Variants in NFX1 observed in about 807,000 individuals in gnomAD.
NFX1 encodes transcriptional repressor NF-X1.
A neutral mutation model predicts 137.2 loss-of-function variants in NFX1; 69 were observed. That is an observed-to-expected ratio of 0.50 (90% CI 0.41 to 0.61). NFX1 has a LOEUF of 0.61. NFX1 is among the 20% of genes least tolerant of loss of function. The pLI is 0.00. For synonymous variants in NFX1, 495 were observed against 474.1 expected (o/e 1.04, Z -0.57); for missense variants, 1,167 against 1,391.0 (o/e 0.84, Z 2.56).
rs1393287475 is a variant in NFX1 at position 33,342,855 on chromosome 9, G to C, written c.2224+1G>C. On this transcript the variant is annotated splice_donor_variant, in intron 13 of 23. Transcript: ENST00000379540. LOFTEE classifies it high-confidence loss of function. ...AACTGCCAGACATGCTGGCAAGCCA[G>C]TGAGTGTCTTTACTGTATAGTTTAT... 2 of 1,602,028 alleles carry C rather than the reference G, an allele frequency of 1.2e-6. No homozygotes were observed. Among genetic ancestry groups the C allele is most frequent in the African/African-American group, 1.3e-5 (1 of 74,722 alleles).
rs1824207125 is a variant in NFX1 at position 33,367,589 on chromosome 9, C to CG, written c.3261dup (p.Ile1088AspfsTer16). ...GAAATGCAGGCACGGCCTCCACCAC[C>CG]GATTCCTCATCACAGACATCAGTCA... On this transcript the variant is annotated frameshift_variant, in exon 23 of 24. Transcript: ENST00000379540. LOFTEE classifies it high-confidence loss of function. The CG allele has an allele frequency of 3.1e-6, 5 of 1,613,720 alleles. No individual in the cohort carries two copies. The highest frequency in any genetic ancestry group is 2.7e-5 in the African/African-American group (2 of 74,924).
At chr9:33,321,736 G>A (rs920492328) in intron 9 of NFX1, among the ~76,000 whole-genome samples, 20 of 152,068 alleles carry the variant, frequency 1.3e-4, no homozygotes, top group Non-Finnish European at 1.5e-5. Flanking sequence ...TTATTTACCT[G>A]GGTATGGCGG....
chr9:33,319,932 T>C (rs1370213893), intron 9 of NFX1, among the ~76,000 whole-genome samples: 1 of 152,062 alleles, frequency 6.6e-6, no homozygotes, highest in East Asian at 1.9e-4. Flanking sequence ...TTGAACATCA[T>C]TTTGGATGAA....
chr9:33,355,175 A>G (rs1823768930), intron 19 of NFX1, among the ~76,000 whole-genome samples: 1 of 152,234 alleles, frequency 6.6e-6, no homozygotes, highest in Non-Finnish European at 1.5e-5. Context: ...TTCCTGACTC[A>G]GAGATAAGAG....
intron 9 of NFX1, among the ~76,000 whole-genome samples, chr9:33,328,215 CAG>C (rs1564123627): frequency 6.6e-6 from 1 of 150,950 alleles, no homozygotes; most frequent in East Asian, 1.9e-4. Context: ...TTGGTAGACA[CAG>C]GGTTTCACCA....
intron 19 of NFX1, among the ~76,000 whole-genome samples, chr9:33,358,406 G>A (rs772075970): frequency 1.3e-5 from 2 of 152,008 alleles, no homozygotes; most frequent in East Asian, 3.9e-4. Context: ...TTACAGGCAT[G>A]AGCCACTGCG....
At chr9:33,322,004 T>C (rs868768774) in intron 9 of NFX1, among the ~76,000 whole-genome samples, 8 of 151,788 alleles carry the variant, frequency 5.3e-5, no homozygotes, top group Middle Eastern at 3.4e-3. Flanking sequence ...AGTTCAGGAC[T>C]AGCCTGGCCA....
Position 33,342,756 on chromosome 9 carries a change from A to G in NFX1, c.2126A>G (p.His709Arg). The G allele has an allele frequency of 6.2e-7, 1 of 1,611,778 alleles. No homozygotes were observed. Among genetic ancestry groups the G allele is most frequent in the Non-Finnish European group, 8.5e-7 (1 of 1,178,758 alleles). The change falls in exon 13 of 24, where the codon CAC (histidine) becomes CGC (arginine). Residue 709 changes from histidine to arginine, a missense_variant. Around this residue, in one of 3 missense-constraint regions of NFX1, gnomAD observed 488 missense variants for 691.5 expected, o/e 0.71. Transcript: ENST00000379540. ...AATCTCTTTTCCCAGGATAAGGAGC[A>G]CAAGTGTCCTTTGATTTGTGGGAGG... The part of the protein sequence containing the change: ...CNEICCVDKE[H>R]KCPLICGRKL...
chr9:33,301,778 C>A (rs1015409729), intron 3 of NFX1, among the ~76,000 whole-genome samples: 1 of 152,000 alleles, frequency 6.6e-6, no homozygotes, highest in Non-Finnish European at 1.5e-5. Context: ...AATTTATCTT[C>A]TTCTCATTTT....
chr9:33,368,880 ACCAGCCCCTCTCCACT>A (rs1195591606), intron 23 of NFX1, among the ~76,000 whole-genome samples: 1 of 152,012 alleles, frequency 6.6e-6, no homozygotes, highest in Non-Finnish European at 1.5e-5. Flanking sequence ...GGTCCCCAGG[ACCAGCCCCTCTCCACT>A]CCTGGGAGCC....
chr9:33,345,272 G>A (rs188337843), intron 14 of NFX1, among the ~76,000 whole-genome samples: 18 of 151,858 alleles, frequency 1.2e-4, no homozygotes, highest in Middle Eastern at 6.8e-3. Context: ...AGGTCAGGAG[G>A]TTGAGACCAG....
At chr9:33,334,499 CA>C (rs1822927114) in intron 11 of NFX1, among the ~76,000 whole-genome samples, 1 of 151,734 alleles carries the variant, frequency 6.6e-6, no homozygotes, top group African/African-American at 2.4e-5. Flanking sequence ...TGAAAAAATA[CA>C]AAATTAATAC....
intron 17 of NFX1, among the ~76,000 whole-genome samples, chr9:33,353,135 G>A (rs1388208912): frequency 6.6e-6 from 1 of 152,192 alleles, no homozygotes; most frequent in Non-Finnish European, 1.5e-5. Context: ...TAACTTTAGT[G>A]TGTAAAATAA....
intron 9 of NFX1, among the ~76,000 whole-genome samples, chr9:33,326,872 A>AT (rs2118453794): frequency 6.6e-6 from 1 of 152,322 alleles, no homozygotes. Flanking sequence ...AGGGGAGAAG[A>AT]ATAGAGCTGT....
intron 15 of NFX1, chr9:33,348,505 GA>G (rs35534651): frequency 0.56 from 82,469 of 147,220 alleles, 23,957 homozygotes; most frequent in Non-Finnish European, 0.65. Flanking sequence ...TAAGAAAAAA[GA>G]AAAAAAAAAA....
At chr9:33,322,034 C>G (rs1343096801) in intron 9 of NFX1, among the ~76,000 whole-genome samples, 4 of 151,762 alleles carry the variant, frequency 2.6e-5, no homozygotes, top group Admixed American at 6.6e-5. Flanking sequence ...AACCCCGTCT[C>G]TACTAAAAAT....
chr9:33,334,196 T>C (rs569413974), intron 11 of NFX1, among the ~76,000 whole-genome samples: 1 of 152,270 alleles, frequency 6.6e-6, no homozygotes, highest in South Asian at 2.1e-4. Flanking sequence ...GGCTCACATC[T>C]GTAATCCTTA....
chr9:33,336,511 C>A (rs1290226294), intron 11 of NFX1, among the ~76,000 whole-genome samples: 1 of 152,078 alleles, frequency 6.6e-6, no homozygotes, highest in Non-Finnish European at 1.5e-5. Context: ...ACCGCACCGA[C>A]CATTTTTGGG....
intron 23 of NFX1, 94 bp downstream of exon 23, chr9:33,367,713 C>A: frequency 8.5e-7 from 1 of 1,172,950 alleles, no homozygotes; most frequent in Non-Finnish European, 1.3e-6. Context: ...CATTGGTGGC[C>A]TCCTCAGGCC....
Sources: allele counts gnomAD v4.1 joint callset (sites outside exome capture counted in the v4.1 genomes callset), GRCh38; gene constraint gnomAD v4.1.1; regional missense constraint gnomAD v4.1.1; transcripts MANE v1.5; gene names NCBI Gene and HGNC (gene_info 2026-07-23, HGNC 2026-07-21).